SPATA31H1: variants seen among roughly 807,000 people sequenced by gnomAD.
SPATA31H1 encodes SPATA31 subfamily H member 1.
chr2:27,550,008 T>C, the SPATA31H1 span, among the ~76,000 whole-genome samples: 1 of 151,866 alleles, frequency 6.6e-6, no homozygotes, highest in Non-Finnish European at 1.5e-5. Context: ...AAAAGATTTT[T>C]ATAAATTGAC....
the SPATA31H1 span, among the ~76,000 whole-genome samples, chr2:27,545,473 T>C: frequency 6.6e-6 from 1 of 152,052 alleles, no homozygotes; most frequent in African/African-American, 2.4e-5. Flanking sequence ...TTAATTTTAG[T>C]AGATGACACC....
the SPATA31H1 span, among the ~76,000 whole-genome samples, chr2:27,546,095 G>A: frequency 6.6e-6 from 1 of 151,924 alleles, no homozygotes; most frequent in Non-Finnish European, 1.5e-5. Context: ...TGAGTCCTTT[G>A]CCAGATAAAG....
chr2:27,580,588 G>C, the SPATA31H1 span: 1 of 1,614,164 alleles, frequency 6.2e-7, no homozygotes, highest in African/African-American at 1.3e-5. Flanking sequence ...TCTTTAAAAA[G>C]ACAACCTAAG....
the SPATA31H1 span, chr2:27,578,528 T>C: frequency 6.2e-7 from 1 of 1,614,036 alleles, no homozygotes; most frequent in Non-Finnish European, 8.5e-7. Context: ...TAACTCCAAG[T>C]CCATGTACTC....
chr2:27,539,643 G>C, the SPATA31H1 span, among the ~76,000 whole-genome samples: 3 of 110,500 alleles, frequency 2.7e-5, no homozygotes, highest in African/African-American at 1.1e-4. Flanking sequence ...ACACCTCCCA[G>C]ACGGGGCCGT....
At chr2:27,575,590 C>A in the SPATA31H1 span, 1 of 398,374 alleles carries the variant, frequency 2.5e-6, no homozygotes, top group African/African-American at 2.1e-5. The surrounding 1 kb of genome is among the most constrained non-coding windows in gnomAD (Gnocchi z 4.1). Context: ...GGTATAAAAT[C>A]TAAGGTGTTC....
the SPATA31H1 span, chr2:27,580,648 G>T: frequency 3.2e-5 from 52 of 1,614,184 alleles, no homozygotes; most frequent in Non-Finnish European, 4.3e-5. Flanking sequence ...AGCCTAAAGC[G>T]GGCATTCCAA....
chr2:27,572,518 G>T, the SPATA31H1 span: 20 of 398,104 alleles, frequency 5.0e-5, no homozygotes, highest in East Asian at 6.4e-4. Flanking sequence ...GAGTTTAACC[G>T]TGGGCCACAG....
At chr2:27,578,453 A>G in the SPATA31H1 span, 3 of 1,614,066 alleles carry the variant, frequency 1.9e-6, no homozygotes, top group East Asian at 4.5e-5. Flanking sequence ...CAGGAATTGA[A>G]GCAATAAATT....
chr2:27,568,333 T>A, the SPATA31H1 span: 1 of 398,852 alleles, frequency 2.5e-6, no homozygotes, highest in African/African-American at 2.1e-5. Context: ...CATAAAGTCA[T>A]GGAATCTGCG....
At chr2:27,545,662 C>G in the SPATA31H1 span, among the ~76,000 whole-genome samples, 2 of 150,388 alleles carry the variant, frequency 1.3e-5, no homozygotes, top group African/African-American at 4.9e-5. Flanking sequence ...GCAACCTCTG[C>G]CTCCTGAGAT....
chr2:27,579,451 T>C, the SPATA31H1 span: 2 of 1,614,222 alleles, frequency 1.2e-6, no homozygotes, highest in South Asian at 2.2e-5. Flanking sequence ...AAAAACTATA[T>C]TCAGAGACAT....
chr2:27,554,176 C>A, the SPATA31H1 span, among the ~76,000 whole-genome samples: 1 of 152,008 alleles, frequency 6.6e-6, no homozygotes, highest in South Asian at 2.1e-4. Flanking sequence ...AAGATGGAAG[C>A]TTTCTCTACA....
the SPATA31H1 span, among the ~76,000 whole-genome samples, chr2:27,559,970 CAA>C: frequency 1.3e-5 from 2 of 151,986 alleles, no homozygotes; most frequent in Non-Finnish European, 2.9e-5. Flanking sequence ...CGAGTTCAAG[CAA>C]TTCTCCTGCC....
the SPATA31H1 span, among the ~76,000 whole-genome samples, chr2:27,545,170 G>C: frequency 1.3e-5 from 2 of 151,696 alleles, no homozygotes; most frequent in African/African-American, 4.9e-5. Context: ...CTACAGGCAT[G>C]CACCACCATG....
chr2:27,581,727 C>T, the SPATA31H1 span: 312 of 1,612,880 alleles, frequency 1.9e-4, 2 homozygotes, highest in South Asian at 1.4e-4. Flanking sequence ...GAGAAGCCAT[C>T]GCAGTCCCGC....
At chr2:27,582,001 T>G in the SPATA31H1 span, 1 of 1,587,434 alleles carries the variant, frequency 6.3e-7, no homozygotes. Flanking sequence ...CACAGTCCCT[T>G]GGAGAGGAGC....
the SPATA31H1 span, chr2:27,582,646 A>G: frequency 9.8e-7 from 1 of 1,016,346 alleles, no homozygotes; most frequent in African/African-American, 1.6e-5. Context: ...AAAGGCTTCC[A>G]TTTCTCTCTA....
chr2:27,582,626 C>T, the SPATA31H1 span: 2 of 1,260,586 alleles, frequency 1.6e-6, no homozygotes, highest in Admixed American at 2.4e-5. Flanking sequence ...TTCCTGCGCC[C>T]CCAGCGTGGA....
Sources: allele counts gnomAD v4.1 joint callset (sites outside exome capture counted in the v4.1 genomes callset), GRCh38; gene constraint gnomAD v4.1.1; non-coding constraint Gnocchi (gnomAD v3.1); transcripts MANE v1.5; gene names NCBI Gene and HGNC (gene_info 2026-07-23, HGNC 2026-07-21).